The following DIAPH3 variants were observed in gnomAD, a reference collection of about 807,000 sequenced individuals.
The protein encoded by DIAPH3 is diaphanous related formin 3, also known as protein diaphanous homolog 3.
Under a neutral mutation model 144.3 loss-of-function variants are expected in DIAPH3, and 117 were observed. That is an observed-to-expected ratio of 0.81 (90% CI 0.70 to 0.95). The LOEUF (loss-of-function observed/expected upper bound fraction) is 0.95. Among genes scored for constraint, DIAPH3 ranks in the 40% least tolerant of loss-of-function variants. DIAPH3 has a pLI of 0.00. For missense variants in DIAPH3, 1,421 were observed against 1,412.7 expected (o/e 1.01, Z -0.09); for synonymous variants, 519 against 488.9 (o/e 1.06, Z -0.81).
chr13:59,724,637 TAAA>T (rs2035518952), intron 27 of DIAPH3, among the ~76,000 whole-genome samples: 1 of 152,158 alleles, frequency 6.6e-6, no homozygotes, highest in South Asian at 2.1e-4. Flanking sequence ...TCTTCATCCT[TAAA>T]AAGATAAGCT....
At chr13:59,971,267 A>T in intron 15 of DIAPH3, 107 bp from the exon 16 acceptor site, 1 of 1,032,742 alleles carries the variant, frequency 9.7e-7, no homozygotes, top group Non-Finnish European at 1.4e-6. Context: ...AAATAATTAC[A>T]TATCAGTAAT....
At chr13:60,104,317 T>C (rs2058350051) in intron 3 of DIAPH3, among the ~76,000 whole-genome samples, 2 of 152,192 alleles carry the variant, frequency 1.3e-5, no homozygotes, top group African/African-American at 4.8e-5. Context: ...GTTTTACCAA[T>C]AGTGGGGTTG....
intron 20 of DIAPH3, among the ~76,000 whole-genome samples, chr13:59,895,647 G>A (rs190845421): frequency 3.3e-4 from 50 of 152,284 alleles, no homozygotes; most frequent in Middle Eastern, 6.8e-3. Context: ...GAGCCACAAC[G>A]TGAATGAAGT....
At chr13:60,102,757 G>C (rs74626822) in intron 3 of DIAPH3, among the ~76,000 whole-genome samples, 5,631 of 152,270 alleles carry the variant, frequency 0.037, 140 homozygotes, top group East Asian at 0.074. Flanking sequence ...ACCTAGAACA[G>C]AGTCAATATA....
In DIAPH3 at chr13:59,802,836, C is replaced by T. The variant is rs1318573831; in HGVS notation, c.3163+7952G>A. On this transcript the variant is annotated intron_variant, in intron 25 of 27. Transcript: ENST00000400324. The stretch of plus-strand genomic sequence containing the variant: ...AGCTGGGACTACAGGCGCCCGCCAC[C>T]GCGCCCGGCTAATTTTTTTTTGTAT... 6.1e-5 allele frequency among the ~76,000 whole-genome samples: 9 copies of T among 148,142 alleles called. No homozygotes were observed. The East Asian group carries it at 7.8e-4, about 13-fold the overall frequency.
At chr13:60,065,963 C>A (rs568354246) in intron 4 of DIAPH3, among the ~76,000 whole-genome samples, 1 of 152,262 alleles carries the variant, frequency 6.6e-6, no homozygotes, top group South Asian at 2.1e-4. Flanking sequence ...GAAACCTACA[C>A]ATTTCCTACA....
intron 2 of DIAPH3, among the ~76,000 whole-genome samples, chr13:60,125,475 A>G (rs562741678): frequency 4.3e-5 from 6 of 141,174 alleles, no homozygotes; most frequent in African/African-American, 1.6e-4. Context: ...TTCTGGGCTC[A>G]TGCAGTCCTC....
At chr13:60,030,030 C>A (rs1323831671) in intron 5 of DIAPH3, among the ~76,000 whole-genome samples, 1 of 152,114 alleles carries the variant, frequency 6.6e-6, no homozygotes, top group Non-Finnish European at 1.5e-5. Context: ...TACTACTGCC[C>A]ACTCTTCTCT....
chr13:59,778,394 C>T (rs1326072321), intron 25 of DIAPH3, among the ~76,000 whole-genome samples: 2 of 152,188 alleles, frequency 1.3e-5, no homozygotes, highest in African/African-American at 2.4e-5. Flanking sequence ...TGGCAAAATG[C>T]GACTATTATA....
intron 14 of DIAPH3, among the ~76,000 whole-genome samples, chr13:59,975,404 T>C (rs1234607818): frequency 6.6e-6 from 1 of 152,002 alleles, no homozygotes; most frequent in Non-Finnish European, 1.5e-5. Flanking sequence ...TAGTCCCTCA[T>C]AGCTAGTAAA....
chr13:59,674,718 A>G (rs2032548163), intron 27 of DIAPH3, among the ~76,000 whole-genome samples: 1 of 152,168 alleles, frequency 6.6e-6, no homozygotes, highest in South Asian at 2.1e-4. Flanking sequence ...ATGCCCTACT[A>G]CTACTTCAAA....
intron 23 of DIAPH3, among the ~76,000 whole-genome samples, chr13:59,834,480 A>T (rs975078175): frequency 6.6e-6 from 1 of 151,644 alleles, no homozygotes; most frequent in African/African-American, 2.4e-5. Flanking sequence ...TTTCAAAAAG[A>T]TATGGTTCTT....
At chr13:59,750,102 CAT>C (rs1239179242) in intron 27 of DIAPH3, among the ~76,000 whole-genome samples, 1 of 152,054 alleles carries the variant, frequency 6.6e-6, no homozygotes, top group East Asian at 1.9e-4. Context: ...TACAAAAAAA[CAT>C]AAAGCAATAG....
intron 22 of DIAPH3, among the ~76,000 whole-genome samples, chr13:59,858,436 T>A (rs1199140643): frequency 6.6e-6 from 1 of 152,034 alleles, no homozygotes; most frequent in Non-Finnish European, 1.5e-5. Flanking sequence ...GTTAAGTTAG[T>A]GATTGGATGA....
chr13:60,092,607 C>T (rs1412770620), intron 4 of DIAPH3, among the ~76,000 whole-genome samples: 3 of 151,884 alleles, frequency 2.0e-5, no homozygotes, highest in South Asian at 4.2e-4. Flanking sequence ...GCCGAGATGG[C>T]GCCACTGCAC....
intron 17 of DIAPH3, among the ~76,000 whole-genome samples, chr13:59,961,803 G>A (rs1045272096): frequency 6.6e-6 from 1 of 152,104 alleles, no homozygotes; most frequent in Non-Finnish European, 1.5e-5. Flanking sequence ...TACAATATCT[G>A]CCTTGATTCT....
At chr13:60,122,808 G>C (rs913978877) in intron 2 of DIAPH3, among the ~76,000 whole-genome samples, 3 of 151,382 alleles carry the variant, frequency 2.0e-5, no homozygotes, top group African/African-American at 4.9e-5. Context: ...AAGGTAATAA[G>C]AAAAATATCC....
At chr13:60,154,456 T>G (rs1389908854) in intron 1 of DIAPH3, among the ~76,000 whole-genome samples, 2 of 152,146 alleles carry the variant, frequency 1.3e-5, no homozygotes, top group South Asian at 2.1e-4. Flanking sequence ...TCATAACGCT[T>G]CTTCTACAAA....
rs755446110 is a variant in DIAPH3 at position 59,843,930 on chromosome 13, A to C, written c.2738-4482T>G. ...ACACATGGACACAGGGAGGGGAACA[A>C]CACACAGTGGAGCCTGTATGAGTGG... On this transcript the variant is annotated intron_variant, in intron 22 of 27. Coordinates refer to ENST00000400324, the MANE Select transcript of DIAPH3 (RefSeq NM_001042517.2). Among the ~76,000 whole-genome samples the C allele has an allele frequency of 2.6e-5, 4 of 152,110 alleles. No individual in the cohort carries two copies. The South Asian group carries it at 6.2e-4, about 24-fold the overall frequency.
Sources: allele counts gnomAD v4.1 joint callset (sites outside exome capture counted in the v4.1 genomes callset), GRCh38; gene constraint gnomAD v4.1.1; transcripts MANE v1.5; gene names NCBI Gene and HGNC (gene_info 2026-07-23, HGNC 2026-07-21).